The following RABEP1 variants were observed in gnomAD, a reference collection of about 807,000 sequenced individuals.
RABEP1 encodes rab GTPase-binding effector protein 1.
Under a neutral mutation model 123.4 loss-of-function variants are expected in RABEP1, and 51 were observed. That is an observed-to-expected ratio of 0.41 (90% CI 0.33 to 0.52). The LOEUF is 0.52. RABEP1 is among the 20% of genes least tolerant of loss of function. The probability of loss-of-function intolerance (pLI) is 0.16; values close to 1 mark genes in which losing one functional copy is unlikely to be tolerated. For synonymous variants in RABEP1, 347 were observed against 355.2 expected (o/e 0.98, Z 0.26); for missense variants, 888 against 996.3 (o/e 0.89, Z 1.46).
intron 2 of RABEP1, among the ~76,000 whole-genome samples, chr17:5,326,946 T>G (rs1334568822): frequency 6.6e-6 from 1 of 152,244 alleles, no homozygotes; most frequent in Non-Finnish European, 1.5e-5. Flanking sequence ...CTACTACACA[T>G]GTAGGCTACA....
Position 5,378,175 on chromosome 17 carries a change from A to T in RABEP1, c.2216-2A>T, listed in dbSNP as rs1480406461. On this transcript the variant is annotated splice_acceptor_variant, in intron 14 of 17. Transcript: ENST00000537505. LOFTEE classifies it high-confidence loss of function. ...TAATACATCTCATTTTTTTCCTTCT[A>T]GCTTCTATTTCTAGCCTAAAAGCTG... 1.8e-5 allele frequency: 29 copies of T among 1,572,612 alleles called. No individual in the cohort carries two copies. The highest frequency in any genetic ancestry group is 1.7e-4 in the Middle Eastern group (1 of 5,944).
rs1909920305 is a variant in RABEP1, at chr17:5,365,306, A to G, written c.1785+68A>G. On this transcript the variant is annotated intron_variant, in intron 11 of 17. Transcript: ENST00000537505. Reference sequence around the variant, plus strand: ...GGTTATTTAAATGAAAGATTCAAAAAATATAGTCATGTTTTTTTTTGCCTT... The same window carrying G: ...GGTTATTTAAATGAAAGATTCAAAAGATATAGTCATGTTTTTTTTTGCCTT... 4.5e-6 allele frequency: 5 copies of G among 1,108,644 alleles called. No homozygotes were observed. The Admixed American group carries it at 1.1e-4, about 25-fold the overall frequency. 68.7% of individuals were successfully genotyped at this position (1,108,644 alleles called of 1,614,324 possible).
rs967561608 is a variant in RABEP1 at position 5,385,091 on chromosome 17, G to C, written c.*1868G>C. On this transcript the variant is annotated 3_prime_UTR_variant, in exon 18 of 18. Coordinates refer to ENST00000537505, the MANE Select transcript of RABEP1 (RefSeq NM_004703.6). ...CTGGGTAATAAAATCATCACAATTA[G>C]GGAATGGTTAGTGGTCTCTACTGTG... 1 of 229,426 alleles carries C rather than the reference G, an allele frequency of 4.4e-6. No homozygotes were observed. The highest frequency in any genetic ancestry group is 2.2e-5 in the African/African-American group (1 of 45,152). The allele number at this position is 229,426 out of a possible 1,614,324, so 14.2% of individuals were successfully genotyped here.
chr17:5,317,626 G>GATATATATATATATATATAT (rs56165368), intron 2 of RABEP1, among the ~76,000 whole-genome samples: 70 of 149,576 alleles, frequency 4.7e-4, no homozygotes, highest in Middle Eastern at 3.5e-3. Context: ...TACTGGAAAG[G>GATATATATATATATATATAT]ATATATATAT....
chr17:5,363,216 G>T (rs200688731), intron 10 of RABEP1, among the ~76,000 whole-genome samples, 200 bp downstream of exon 10: 16,603 of 137,658 alleles, frequency 0.12, 1,608 homozygotes, highest in East Asian at 0.49. Context: ...TTTTTTTTTT[G>T]TTTTTGTTTT....
chr17:5,357,492 C>T (rs1346103716), intron 8 of RABEP1, among the ~76,000 whole-genome samples: 1 of 152,100 alleles, frequency 6.6e-6, no homozygotes, highest in Non-Finnish European at 1.5e-5. Context: ...GTGCCTCAGC[C>T]TCCCGAGTAG....
chr17:5,284,782 G>A (rs2074961721), intron 1 of RABEP1, among the ~76,000 whole-genome samples: 1 of 151,330 alleles, frequency 6.6e-6, no homozygotes, highest in Non-Finnish European at 1.5e-5. Flanking sequence ...GATTTAATTT[G>A]TGTCTTTAGC....
chr17:5,302,295 C>T (rs1408619473), intron 1 of RABEP1, among the ~76,000 whole-genome samples: 1 of 133,136 alleles, frequency 7.5e-6, no homozygotes, highest in Non-Finnish European at 1.5e-5. Context: ...GGCTGGAGGG[C>T]AGTTGTGCGA....
At chr17:5,358,238 T>C (rs562699424) in intron 8 of RABEP1, among the ~76,000 whole-genome samples, 3 of 148,816 alleles carry the variant, frequency 2.0e-5, no homozygotes, top group African/African-American at 7.5e-5. Context: ...GATAGTCAAG[T>C]TGGTTCCATT....
At chr17:5,330,884 C>T (rs952178916) in intron 2 of RABEP1, among the ~76,000 whole-genome samples, 4 of 151,704 alleles carry the variant, frequency 2.6e-5, no homozygotes, top group South Asian at 2.1e-4. Context: ...ATTAGCCGGG[C>T]GTGATGGTGC....
At chr17:5,292,645 A>G (rs959419937) in intron 1 of RABEP1, among the ~76,000 whole-genome samples, 9 of 152,100 alleles carry the variant, frequency 5.9e-5, no homozygotes, top group Non-Finnish European at 2.9e-5. Context: ...TGGCCTCCCA[A>G]AGTGCTGGGA....
At chr17:5,319,431 A>G (rs964846116) in intron 2 of RABEP1, among the ~76,000 whole-genome samples, 1 of 151,654 alleles carries the variant, frequency 6.6e-6, no homozygotes, top group East Asian at 1.9e-4. Flanking sequence ...CAGTGCCGCA[A>G]TCTCGGCTCA....
intron 11 of RABEP1, among the ~76,000 whole-genome samples, chr17:5,367,501 C>A (rs1910142705): frequency 6.6e-6 from 1 of 151,808 alleles, no homozygotes; most frequent in East Asian, 2.0e-4. Context: ...GAACTCCTGA[C>A]TTTGTGATCC....
At chr17:5,289,463 T>G (rs2075012342) in intron 1 of RABEP1, among the ~76,000 whole-genome samples, 1 of 151,424 alleles carries the variant, frequency 6.6e-6, no homozygotes, top group Admixed American at 6.6e-5. Context: ...GTTTCTTATT[T>G]TGCTGAGGAA....
At position 5,282,352 on chromosome 17, in the gene RABEP1, A is replaced by T; in HGVS notation, c.-135A>T. ...CCCGCGGCTGTGGCGGCGCCGGCGG[A>T]TCCAGCCTTAGCGGTTTCTCTCTGG... On this transcript the variant is annotated 5_prime_UTR_variant, in exon 1 of 18. Coordinates refer to ENST00000537505, the MANE Select transcript of RABEP1 (RefSeq NM_004703.6). 1.5e-6 allele frequency: 1 copy of T among 664,090 alleles called. No homozygotes were observed. The highest frequency in any genetic ancestry group is 4.3e-5 in the Admixed American group (1 of 23,028). The allele number at this position is 664,090 out of a possible 1,614,324, so 41.1% of individuals were successfully genotyped here.
chr17:5,317,118 T>C (rs1251042937), intron 2 of RABEP1, among the ~76,000 whole-genome samples: 1 of 152,056 alleles, frequency 6.6e-6, no homozygotes, highest in African/African-American at 2.4e-5. Context: ...GCTAGTGTTA[T>C]CCTGACCTCA....
At chr17:5,381,347 G>A (rs762376798) in intron 16 of RABEP1, 42 bp from the exon 17 acceptor site, 2 of 1,594,182 alleles carry the variant, frequency 1.3e-6, no homozygotes, top group Non-Finnish European at 1.7e-6. Flanking sequence ...AAGTAATTCG[G>A]CCCTTTGGCA....
chr17:5,350,404 A>G (rs761941529), intron 6 of RABEP1, 47 bp from the exon 7 acceptor site: 4 of 1,564,974 alleles, frequency 2.6e-6, no homozygotes, highest in Non-Finnish European at 3.5e-6. Context: ...ATTGCCTACC[A>G]TTAAAATTCA....
At chr17:5,342,316 C>A (rs956638186) in intron 5 of RABEP1, among the ~76,000 whole-genome samples, 1 of 151,994 alleles carries the variant, frequency 6.6e-6, no homozygotes, top group Admixed American at 6.6e-5. Context: ...TAAATGAGGA[C>A]CTGAATCTGT....
Sources: gnomAD v4.1 joint callset for allele counts (sites outside exome capture counted in the v4.1 genomes callset) on GRCh38, gnomAD v4.1.1 for gene constraint, MANE v1.5 for transcripts, NCBI Gene and HGNC (gene_info 2026-07-23, HGNC 2026-07-21) for gene names.